RAPGEF6: variants seen among roughly 807,000 people sequenced by gnomAD.
RAPGEF6 encodes the protein PDZ domain containing guanine nucleotide exchange factor (GEF) 2.
Under a neutral mutation model 171.4 loss-of-function variants are expected in RAPGEF6, and 56 were observed. That is an observed-to-expected ratio of 0.33 (90% CI 0.26 to 0.41). The LOEUF is 0.41. RAPGEF6 is among the 10% of genes least tolerant of loss of function. The pLI is 1.00. For synonymous variants in RAPGEF6, 692 were observed against 650.1 expected (o/e 1.06, Z -0.98); for missense variants, 1,674 against 1,921.4 (o/e 0.87, Z 2.41).
At chr5:131,507,960 T>A (rs537723767) in intron 9 of RAPGEF6, 111 bp downstream of exon 9, 1 of 982,474 alleles carries the variant, frequency 1.0e-6, no homozygotes, top group African/African-American at 1.7e-5. Context: ...TTAAGAAATC[T>A]GTATAAATTT....
chr5:131,551,436 C>T (rs1760918582), intron 5 of RAPGEF6, among the ~76,000 whole-genome samples: 2 of 150,726 alleles, frequency 1.3e-5, no homozygotes, highest in African/African-American at 2.5e-5. Context: ...TACTTCAAAC[C>T]GGGCGGCAGA....
intron 20 of RAPGEF6, 83 bp from the exon 21 acceptor site, chr5:131,453,260 G>A (rs570338943): frequency 1.4e-5 from 21 of 1,473,468 alleles, no homozygotes; most frequent in Non-Finnish European, 1.8e-5. Flanking sequence ...AATCTTGAGG[G>A]GCACAAAGAA....
rs765126524 is a variant in RAPGEF6, at chr5:131,431,183, T to C, written c.4141A>G (p.Asn1381Asp). 4.3e-6 allele frequency: 7 copies of C among 1,614,102 alleles called. No homozygotes were observed. The East Asian group carries it at 1.6e-4, about 36-fold the overall frequency. Reference sequence around the variant, plus strand: ...TTCAAAAAATCCCAGCTTTTTGGGTTTGGAAGGCTTTGGAAGTTGTCATGG... The same window carrying C: ...TTCAAAAAATCCCAGCTTTTTGGGTCTGGAAGGCTTTGGAAGTTGTCATGG... ...SSHDNFQSLP[N>D]PKSWDFLNSY... Residue 1381 changes from asparagine (N) to aspartate (D), a missense_variant, in exon 26 of 28, where the codon AAC (asparagine) becomes GAC (aspartate). This residue lies in a region of RAPGEF6 where 552 missense variants were observed against 574.2 expected (regional missense o/e 0.96). Coordinates refer to ENST00000509018, the MANE Select transcript of RAPGEF6 (RefSeq NM_016340.6).
intron 4 of RAPGEF6, among the ~76,000 whole-genome samples, chr5:131,570,253 C>CA (rs1561570913): frequency 6.6e-6 from 1 of 152,074 alleles, no homozygotes; most frequent in East Asian, 1.9e-4. Flanking sequence ...CCCCCTACAT[C>CA]ACTCATCACT....
rs959550379 is a variant in RAPGEF6 at position 131,482,267 on chromosome 5, C to CGT, written c.1841-2516_1841-2515dup. ...AGCCATATGGTAATATATACACACA[C>CGT]GTGTGTGTATGTGTGTGTGTGTATA... On this transcript the variant is annotated intron_variant, in intron 15 of 27. Coordinates refer to ENST00000509018, the MANE Select transcript of RAPGEF6 (RefSeq NM_016340.6). Among the ~76,000 whole-genome samples, 96 of 78,464 alleles carry CGT rather than the reference C, an allele frequency of 1.2e-3. 1 individual carries two copies. The highest frequency in any genetic ancestry group is 4.4e-3 in the African/African-American group (85 of 19,356). The allele number at this position is 78,464 out of a possible 152,430, so 51.5% of individuals were successfully genotyped here.
At chr5:131,604,036 T>C (rs1489401614) in intron 2 of RAPGEF6, among the ~76,000 whole-genome samples, 1 of 152,036 alleles carries the variant, frequency 6.6e-6, no homozygotes, top group Admixed American at 6.6e-5. Context: ...CCAGGACAGA[T>C]AGCCAGCCCA....
At chr5:131,606,045 AAAAAAAAAG>A (rs1347664884) in intron 1 of RAPGEF6, among the ~76,000 whole-genome samples, 1 of 147,174 alleles carries the variant, frequency 6.8e-6, no homozygotes, top group African/African-American at 2.6e-5. Flanking sequence ...AAAAAAAAAA[AAAAAAAAAG>A]AAAAAGAAAA....
chr5:131,484,675 G>C (rs951347538), intron 15 of RAPGEF6, among the ~76,000 whole-genome samples: 1 of 152,016 alleles, frequency 6.6e-6, no homozygotes, highest in African/African-American at 2.4e-5. Context: ...TTATATCTCT[G>C]TTAATAGCAA....
rs969366728 is a variant in RAPGEF6 at position 131,424,908 on chromosome 5, C to T, written c.*2358G>A. On this transcript the variant is annotated 3_prime_UTR_variant, in exon 28 of 28. Coordinates refer to ENST00000509018, the MANE Select transcript of RAPGEF6 (RefSeq NM_016340.6). ...AGATTATAAATTTATAAAACAAAAA[C>T]AAATGGAGATCTGGAATTGGAGTAA... 1.3e-5 allele frequency: 2 copies of T among 152,264 alleles called. No homozygotes were observed. The highest frequency in any genetic ancestry group is 2.4e-5 in the African/African-American group (1 of 41,432). The allele number at this position is 152,264 out of a possible 1,614,324, so 9.4% of individuals were successfully genotyped here. A position where few individuals can be genotyped will look rare whatever the true frequency, so the allele number is the denominator to read the frequency against.
intron 1 of RAPGEF6, among the ~76,000 whole-genome samples, chr5:131,606,991 T>C (rs532864542): frequency 3.3e-5 from 5 of 152,340 alleles, no homozygotes; most frequent in East Asian, 1.9e-4. Context: ...AAGAGAGTCA[T>C]GGCAAAAGTG....
chr5:131,427,557 C>G (rs2149802494), intron 27 of RAPGEF6, among the ~76,000 whole-genome samples: 1 of 152,242 alleles, frequency 6.6e-6, no homozygotes, highest in African/African-American at 2.4e-5. Context: ...AATCATTTCT[C>G]AAACTATTGG....
intron 6 of RAPGEF6, among the ~76,000 whole-genome samples, chr5:131,534,198 A>C (rs2149929514): frequency 6.6e-6 from 1 of 152,232 alleles, no homozygotes; most frequent in East Asian, 1.9e-4. Context: ...GTTACCTGGG[A>C]GACAGGTCTT....
rs116696664 is a variant in RAPGEF6, at chr5:131,563,111, C to T, written c.282-1064G>A. 4.0e-3 allele frequency among the ~76,000 whole-genome samples: 612 copies of T among 151,484 alleles called. 8 individuals carry two copies. Among genetic ancestry groups the T allele is most frequent in the African/African-American group, 0.014 (591 of 41,300 alleles). On this transcript the variant is annotated intron_variant, in intron 4 of 27. Transcript: ENST00000509018. ...ACTATACTAAGACACAAATGACTTACATATGAAATATACAGAGCTCACTCA... is the reference window on the plus strand; with the variant it reads ...ACTATACTAAGACACAAATGACTTATATATGAAATATACAGAGCTCACTCA...
intron 4 of RAPGEF6, among the ~76,000 whole-genome samples, chr5:131,564,682 T>C (rs902321853): frequency 2.0e-5 from 3 of 151,826 alleles, no homozygotes; most frequent in African/African-American, 7.3e-5. Flanking sequence ...AAACAACCAA[T>C]AAAAACAGAC....
chr5:131,528,175 A>T, intron 6 of RAPGEF6, among the ~76,000 whole-genome samples: 1 of 61,702 alleles, frequency 1.6e-5, no homozygotes, highest in Non-Finnish European at 4.3e-5. Flanking sequence ...ATTACATATA[A>T]ATTTATATTA....
intron 17 of RAPGEF6, among the ~76,000 whole-genome samples, chr5:131,471,272 AG>A (rs1754718245): frequency 6.6e-6 from 1 of 152,200 alleles, no homozygotes; most frequent in Non-Finnish European, 1.5e-5. Context: ...GTGCCAGAAC[AG>A]GTTACTGGGT....
chr5:131,536,619 C>T (rs1759794591), intron 6 of RAPGEF6, among the ~76,000 whole-genome samples: 1 of 151,956 alleles, frequency 6.6e-6, no homozygotes, highest in Non-Finnish European at 1.5e-5. Flanking sequence ...GGAAGAAAAA[C>T]CAAGAAGGAG....
chr5:131,617,298 A>G (rs1765325308), intron 1 of RAPGEF6, among the ~76,000 whole-genome samples: 1 of 87,508 alleles, frequency 1.1e-5, no homozygotes, highest in South Asian at 4.6e-4. Context: ...AGCACCACAC[A>G]CACACACACA....
At chr5:131,562,764 G>A (rs1035303947) in intron 4 of RAPGEF6, among the ~76,000 whole-genome samples, 4 of 152,132 alleles carry the variant, frequency 2.6e-5, no homozygotes, top group African/African-American at 7.2e-5. Context: ...GCTTAGTAGA[G>A]ATGCAACCAT....
Sources: gnomAD v4.1 joint callset for allele counts (sites outside exome capture counted in the v4.1 genomes callset) on GRCh38, gnomAD v4.1.1 for gene constraint, gnomAD v4.1.1 regional missense constraint, MANE v1.5 for transcripts, NCBI Gene and HGNC (gene_info 2026-07-23, HGNC 2026-07-21) for gene names.